The following CHL1 variants were observed in gnomAD, a reference collection of about 807,000 sequenced individuals.
CHL1 encodes neural cell adhesion molecule L1-like protein.
Under a neutral mutation model 141.9 loss-of-function variants are expected in CHL1, and 96 were observed. The ratio of observed to expected loss-of-function variants is 0.68; its 90% confidence interval spans 0.57 to 0.80. The LOEUF (loss-of-function observed/expected upper bound fraction) is 0.80, where lower values mean the gene tolerates loss of function less well. Among genes scored for constraint, CHL1 ranks in the 30% least tolerant of loss-of-function variants. The probability of loss-of-function intolerance (pLI) is 0.00; values close to 1 mark genes in which losing one functional copy is unlikely to be tolerated. For synonymous variants in CHL1, 613 were observed against 502.2 expected, an observed-to-expected ratio of 1.22 and a Z score of -2.95; for missense variants, 1,820 against 1,457.2, an observed-to-expected ratio of 1.25 and a Z score of -4.05.
intron 2 of CHL1, among the ~76,000 whole-genome samples, chr3:251,947 T>G (rs961289279): frequency 6.6e-6 from 1 of 152,038 alleles, no homozygotes; most frequent in African/African-American, 2.4e-5. Context: ...TAAAACAAAT[T>G]CAGTTTTTCA....
Position 401,738 on chromosome 3 carries a change from A to G in CHL1, c.3458+40A>G, listed in dbSNP as rs761436965. The G allele has an allele frequency of 8.5e-6, 10 of 1,179,540 alleles. No individual in the cohort carries two copies. The South Asian group carries it at 1.1e-4, about 13-fold the overall frequency. The allele number at this position is 1,179,540 out of a possible 1,614,324, so 73.1% of individuals were successfully genotyped here. A position where few individuals can be genotyped will look rare whatever the true frequency, so the allele number is the denominator to read the frequency against. On this transcript the variant is annotated intron_variant, in intron 27 of 27. Coordinates refer to ENST00000256509, the MANE Select transcript of CHL1 (RefSeq NM_006614.4). Reference sequence around the variant, plus strand: ...CTGTTGTAAAATAAAACACATATTCATCATGTTGAAAGCTTAAGTGAACAA... The same window carrying G: ...CTGTTGTAAAATAAAACACATATTCGTCATGTTGAAAGCTTAAGTGAACAA...
In CHL1 at chr3:374,518, C is replaced by T. The variant is rs1221166570; in HGVS notation, c.1752-3300C>T. On this transcript the variant is annotated intron_variant, in intron 15 of 27. Coordinates refer to ENST00000256509, the MANE Select transcript of CHL1 (RefSeq NM_006614.4). ...GACATTTAGGCTTTGACCCCAGAAG[C>T]CCTAAGCAACCTTTTCATGTGACCC... 4.6e-5 allele frequency among the ~76,000 whole-genome samples: 7 copies of T among 152,264 alleles called. No individual in the cohort carries two copies. The East Asian group carries it at 5.8e-4, about 13-fold the overall frequency.
intron 7 of CHL1, 109 bp from the exon 8 acceptor site, chr3:342,875 C>T: frequency 2.6e-6 from 2 of 765,594 alleles, no homozygotes; most frequent in East Asian, 2.7e-5. Context: ...AAGCATGGTT[C>T]TACATCATTT....
chr3:235,242 G>A (rs1442598048), intron 1 of CHL1, among the ~76,000 whole-genome samples: 3 of 151,908 alleles, frequency 2.0e-5, no homozygotes, highest in South Asian at 2.1e-4. Context: ...CTGATGCTGC[G>A]ATAACACCTA....
chr3:264,259 A>C (rs1222880181), intron 2 of CHL1, among the ~76,000 whole-genome samples: 1 of 152,090 alleles, frequency 6.6e-6, no homozygotes, highest in Non-Finnish European at 1.5e-5. Context: ...GATATTGTTC[A>C]TAACCCCTGC....
At chr3:205,568 G>T (rs1251620923) in intron 1 of CHL1, among the ~76,000 whole-genome samples, 1 of 152,106 alleles carries the variant, frequency 6.6e-6, no homozygotes, top group Non-Finnish European at 1.5e-5. Context: ...CGTAGTCCTG[G>T]CCAAAGATAG....
chr3:269,064 C>T (rs17016917), intron 2 of CHL1, among the ~76,000 whole-genome samples: 40,816 of 151,946 alleles, frequency 0.27, 5,688 homozygotes, highest in South Asian at 0.33. Flanking sequence ...AAGAGAGAAG[C>T]AAAAAATTAT....
At chr3:241,796 A>G (rs1692593355) in intron 1 of CHL1, among the ~76,000 whole-genome samples, 1 of 152,040 alleles carries the variant, frequency 6.6e-6, no homozygotes, top group South Asian at 2.1e-4. Context: ...TTTGGTGGGT[A>G]TATTTATTTG....
At chr3:357,202 G>A (rs571341330) in intron 11 of CHL1, among the ~76,000 whole-genome samples, 116 of 152,310 alleles carry the variant, frequency 7.6e-4, no homozygotes, top group Non-Finnish European at 1.5e-3. Flanking sequence ...ACAGCTTTTG[G>A]CCCTGGCTCT....
rs902706753 is a variant in CHL1, at chr3:408,272, C to G, written c.*2561C>G. The G allele has an allele frequency of 1.3e-5, 2 of 152,084 alleles. No homozygotes were observed. Among genetic ancestry groups the G allele is most frequent in the African/African-American group, 4.8e-5 (2 of 41,410 alleles). 9.4% of individuals were successfully genotyped at this position (152,084 alleles called of 1,614,324 possible). ...GTTACTGGCTTTACCCTAACTTTCT[C>G]TAGTCTACTGTCAATATCATTTTAA... On this transcript the variant is annotated 3_prime_UTR_variant, in exon 28 of 28. Coordinates refer to ENST00000256509, the MANE Select transcript of CHL1 (RefSeq NM_006614.4).
chr3:240,417 A>G (rs370354219), intron 1 of CHL1, among the ~76,000 whole-genome samples: 1 of 152,014 alleles, frequency 6.6e-6, no homozygotes, highest in Non-Finnish European at 1.5e-5. Context: ...TTGTCTATTC[A>G]TGTCCTTAGC....
In CHL1 at chr3:288,974, G is replaced by A. The variant is rs142566747; in HGVS notation, c.-94-30709G>A. On this transcript the variant is annotated intron_variant, in intron 2 of 27. Coordinates refer to ENST00000256509, the MANE Select transcript of CHL1 (RefSeq NM_006614.4). ...AGCTTCTTTTTTGTTTTTATTTCCC[G>A]ATTTCTTTCTTTCAGATACTTTTAA... Among the ~76,000 whole-genome samples the A allele has an allele frequency of 1.9e-3, 285 of 151,872 alleles. 5 individuals are homozygous for A. The East Asian group carries it at 0.041, about 22-fold the overall frequency.
chr3:340,966 C>T (rs763077539), intron 6 of CHL1, 50 bp downstream of exon 6: 1 of 1,539,864 alleles, frequency 6.5e-7, no homozygotes, highest in Non-Finnish European at 8.9e-7. Context: ...TAATTCTATC[C>T]ATCATATCAA....
At chr3:228,195 A>G (rs1701532509) in intron 1 of CHL1, among the ~76,000 whole-genome samples, 1 of 152,242 alleles carries the variant, frequency 6.6e-6, no homozygotes, top group Admixed American at 6.5e-5. Flanking sequence ...TTTTTTAAGG[A>G]CAATTTTAAT....
intron 2 of CHL1, among the ~76,000 whole-genome samples, chr3:297,849 T>A (rs1698339609): frequency 6.6e-6 from 1 of 152,224 alleles, no homozygotes; most frequent in African/African-American, 2.4e-5. Flanking sequence ...ATTTTAATAT[T>A]GTGAACTCTT....
In CHL1 at chr3:285,600, C is replaced by G. The variant is rs150255097; in HGVS notation, c.-94-34083C>G. Among the ~76,000 whole-genome samples the G allele has an allele frequency of 8.5e-5, 13 of 152,304 alleles. No individual in the cohort carries two copies. The East Asian group carries it at 2.5e-3, about 29-fold the overall frequency. ...TGACTCCTCCCCAGCTGTGTACTCT[C>G]AGGCAAACTACGTAGACTCTACCTC... On this transcript the variant is annotated intron_variant, in intron 2 of 27. Coordinates refer to ENST00000256509, the MANE Select transcript of CHL1 (RefSeq NM_006614.4).
intron 2 of CHL1, among the ~76,000 whole-genome samples, chr3:310,842 T>A (rs753376119): frequency 6.6e-6 from 1 of 152,222 alleles, no homozygotes; most frequent in Non-Finnish European, 1.5e-5. Context: ...TGTAGTATCA[T>A]ACAAAGTAGT....
chr3:322,545 T>C (rs370409752), intron 3 of CHL1, among the ~76,000 whole-genome samples: 1 of 150,150 alleles, frequency 6.7e-6, no homozygotes, highest in Non-Finnish European at 1.5e-5. Context: ...TGGTGTCTCA[T>C]GCCTGTAATT....
At chr3:256,686 T>C (rs953454198) in intron 2 of CHL1, among the ~76,000 whole-genome samples, 1 of 152,176 alleles carries the variant, frequency 6.6e-6, no homozygotes, top group African/African-American at 2.4e-5. Flanking sequence ...GCTTAGAGAA[T>C]TGTATTAGTC....
Sources: gnomAD v4.1 joint callset for allele counts (sites outside exome capture counted in the v4.1 genomes callset) on GRCh38, gnomAD v4.1.1 for gene constraint, MANE v1.5 for transcripts, NCBI Gene and HGNC (gene_info 2026-07-23, HGNC 2026-07-21) for gene names.